The following PTPRT variants were observed in gnomAD, a reference collection of about 807,000 sequenced individuals.
PTPRT encodes protein tyrosine phosphatase receptor type T.
A neutral mutation model predicts 176.8 loss-of-function variants in PTPRT; 56 were observed. The observed-to-expected ratio is 0.32, with a 90% CI of 0.26 to 0.40. The LOEUF (loss-of-function observed/expected upper bound fraction) is 0.40. Ranked by LOEUF, PTPRT falls within the 10% of genes least tolerant of loss-of-function variation. The pLI is 1.00. For synonymous variants in PTPRT, 783 were observed against 739.0 expected (o/e 1.06, Z -0.96); for missense variants, 1,540 against 1,908.2 (o/e 0.81, Z 3.60).
intron 1 of PTPRT, among the ~76,000 whole-genome samples, chr20:43,079,685 A>G (rs2011385506): frequency 6.6e-6 from 1 of 152,204 alleles, no homozygotes; most frequent in Non-Finnish European, 1.5e-5. Context: ...TTATTGTGGT[A>G]CAAAAGAAAG....
chr20:43,104,173 T>C (rs2012504038), intron 1 of PTPRT, among the ~76,000 whole-genome samples: 1 of 152,182 alleles, frequency 6.6e-6, no homozygotes, highest in Non-Finnish European at 1.5e-5. Context: ...TCTAAAAATG[T>C]CAACATTTGG....
intron 1 of PTPRT, among the ~76,000 whole-genome samples, chr20:42,976,082 C>G (rs75971667): frequency 1.1e-3 from 161 of 152,286 alleles, no homozygotes; most frequent in African/African-American, 3.8e-3. Flanking sequence ...AGAGGAGGAA[C>G]CTTGCTCAAG....
At chr20:43,094,330 C>T (rs2012023592) in intron 1 of PTPRT, among the ~76,000 whole-genome samples, 1 of 151,322 alleles carries the variant, frequency 6.6e-6, no homozygotes, top group Non-Finnish European at 1.5e-5. Flanking sequence ...TCGTGATCCA[C>T]CCATCTCAGC....
At chr20:42,762,400 A>G (rs1280040872) in intron 5 of PTPRT, among the ~76,000 whole-genome samples, 6 of 151,546 alleles carry the variant, frequency 4.0e-5, no homozygotes, top group Admixed American at 3.9e-4. Context: ...CAAGGACTTA[A>G]AAGCTGATGT....
At chr20:42,654,472 A>T (rs1600555493) in intron 7 of PTPRT, among the ~76,000 whole-genome samples, 1 of 152,238 alleles carries the variant, frequency 6.6e-6, no homozygotes, top group East Asian at 1.9e-4. Context: ...ATCCAGGGCC[A>T]CTCTACCCCC....
intron 9 of PTPRT, among the ~76,000 whole-genome samples, chr20:42,410,119 C>T (rs1362376645): frequency 6.6e-6 from 1 of 151,806 alleles, no homozygotes; most frequent in African/African-American, 2.4e-5. Context: ...TTCATTGTTT[C>T]ATTACATATA....
At chr20:42,405,717 A>G (rs563413210) in intron 9 of PTPRT, among the ~76,000 whole-genome samples, 1 of 152,256 alleles carries the variant, frequency 6.6e-6, no homozygotes, top group Non-Finnish European at 1.5e-5. Flanking sequence ...CAGTAATGGG[A>G]TGGCTGGGTC....
At chr20:42,784,349 A>G (rs772873370) in intron 3 of PTPRT, among the ~76,000 whole-genome samples, 5 of 152,212 alleles carry the variant, frequency 3.3e-5, no homozygotes, top group African/African-American at 4.8e-5. Context: ...GGCTGCAAAC[A>G]TTTTCAGGAG....
intron 27 of PTPRT, 42 bp downstream of exon 27, chr20:42,098,379 G>GC (rs749579168): frequency 1.2e-6 from 2 of 1,609,392 alleles, no homozygotes; most frequent in East Asian, 2.2e-5. Flanking sequence ...TTAGAGCATG[G>GC]CCCCCCTGAC....
intron 9 of PTPRT, among the ~76,000 whole-genome samples, chr20:42,372,555 G>T (rs779880424): frequency 1.3e-5 from 2 of 152,120 alleles, no homozygotes; most frequent in Non-Finnish European, 2.9e-5. Context: ...AAAGTGCTGG[G>T]ATTACAGGCG....
intron 2 of PTPRT, among the ~76,000 whole-genome samples, chr20:42,840,103 C>T (rs917916549): frequency 6.6e-6 from 1 of 152,132 alleles, no homozygotes; most frequent in African/African-American, 2.4e-5. Context: ...GGACCATGTT[C>T]CCTCTGAAAC....
intron 9 of PTPRT, among the ~76,000 whole-genome samples, chr20:42,418,396 C>G (rs1340354909): frequency 1.3e-5 from 2 of 152,156 alleles, no homozygotes; most frequent in Non-Finnish European, 2.9e-5. Context: ...AGCTTAGACT[C>G]TGGCTCAGGG....
chr20:42,596,685 T>A (rs1390065380), intron 7 of PTPRT, among the ~76,000 whole-genome samples: 2 of 152,230 alleles, frequency 1.3e-5, no homozygotes, highest in African/African-American at 4.8e-5. Context: ...AGGCCATGAT[T>A]AAGCAAATAC....
intron 1 of PTPRT, among the ~76,000 whole-genome samples, chr20:43,137,854 T>A (rs2013882710): frequency 6.6e-6 from 1 of 152,140 alleles, no homozygotes; most frequent in Non-Finnish European, 1.5e-5. Flanking sequence ...CAGCCTGGAA[T>A]ATTAAACTCA....
At chr20:42,712,921 G>A (rs948275339) in intron 6 of PTPRT, among the ~76,000 whole-genome samples, 4 of 152,118 alleles carry the variant, frequency 2.6e-5, no homozygotes, top group Admixed American at 6.5e-5. Flanking sequence ...GATGGTGCGT[G>A]CATACAATGG....
At chr20:43,140,151 T>C (rs558437004) in intron 1 of PTPRT, among the ~76,000 whole-genome samples, 222 of 152,308 alleles carry the variant, frequency 1.5e-3, no homozygotes, top group South Asian at 3.3e-3. Context: ...GCATATCCTT[T>C]TGTTTTACAA....
chr20:43,135,560 G>A (rs972017208), intron 1 of PTPRT, among the ~76,000 whole-genome samples: 1 of 152,058 alleles, frequency 6.6e-6, no homozygotes, highest in Non-Finnish European at 1.5e-5. Context: ...CTCTCCATGT[G>A]AACATTTACC....
intron 5 of PTPRT, among the ~76,000 whole-genome samples, chr20:42,761,843 G>A (rs1160869200): frequency 6.6e-6 from 1 of 152,206 alleles, no homozygotes; most frequent in Admixed American, 6.5e-5. Flanking sequence ...GCTGAGTTAG[G>A]ATTGGACCCA....
At chr20:43,049,326 A>AACAT (rs3030299) in intron 1 of PTPRT, among the ~76,000 whole-genome samples, 99 of 151,462 alleles carry the variant, frequency 6.5e-4, no homozygotes, top group Admixed American at 2.1e-3. Flanking sequence ...GGCCATGTAA[A>AACAT]ACATACATAC....
Sources: gnomAD v4.1 joint callset for allele counts (sites outside exome capture counted in the v4.1 genomes callset) on GRCh38, gnomAD v4.1.1 for gene constraint, MANE v1.5 for transcripts, NCBI Gene and HGNC (gene_info 2026-07-23, HGNC 2026-07-21) for gene names.